The following PPP1R12A variants were observed in gnomAD, a reference collection of about 807,000 sequenced individuals.
The protein encoded by PPP1R12A is protein phosphatase 1 regulatory subunit 12A.
Under a neutral mutation model 139.6 loss-of-function variants are expected in PPP1R12A, and 19 were observed. The observed-to-expected ratio is 0.14, with a 90% CI of 0.09 to 0.20. The LOEUF (loss-of-function observed/expected upper bound fraction) is 0.20, where lower values mean the gene tolerates loss of function less well. PPP1R12A is among the 10% of genes least tolerant of loss of function. PPP1R12A has a pLI of 1.00. For missense variants in PPP1R12A, 925 were observed against 1,211.5 expected (o/e 0.76, Z 3.51); for synonymous variants, 427 against 420.6 (o/e 1.02, Z -0.19).
At chr12:79,884,951 G>A (rs570704892) in intron 1 of PPP1R12A, among the ~76,000 whole-genome samples, 6 of 152,232 alleles carry the variant, frequency 3.9e-5, no homozygotes, top group African/African-American at 1.4e-4. Flanking sequence ...AAAGCAGACA[G>A]AGTCCATGAC....
intron 1 of PPP1R12A, among the ~76,000 whole-genome samples, chr12:79,923,189 G>A (rs1006409839): frequency 2.0e-5 from 3 of 152,112 alleles, no homozygotes; most frequent in Admixed American, 2.0e-4. Context: ...TGGGACAATC[G>A]CTTGAACCCA....
rs370114772 is a variant in PPP1R12A, at chr12:79,812,382, C to CTGTGTGCGTGTGTGTG, written c.1240-2373_1240-2372insCACACACACGCACACA. ...TGACCATTCCTTTTCTTGACTGACT[C>CTGTGTGCGTGTGTGTG]TGTGTGTGCGTGTGTGTGTGTGTGT... is the stretch of plus-strand genomic sequence containing the variant. On this transcript the variant is annotated intron_variant, in intron 9 of 24. Coordinates refer to ENST00000450142, the MANE Select transcript of PPP1R12A (RefSeq NM_002480.3). Among the ~76,000 whole-genome samples, 628 of 112,890 alleles carry CTGTGTGCGTGTGTGTG rather than the reference C, an allele frequency of 5.6e-3. 12 individuals carry two copies. The highest frequency in any genetic ancestry group is 6.5e-3 in the Non-Finnish European group (398 of 61,014). The allele number at this position is 112,890 out of a possible 152,430, so 74.1% of individuals were successfully genotyped here.
chr12:79,909,480 T>TG (rs1177923277), intron 1 of PPP1R12A, among the ~76,000 whole-genome samples: 1 of 152,082 alleles, frequency 6.6e-6, no homozygotes, highest in Non-Finnish European at 1.5e-5. Context: ...CTCACGTCTG[T>TG]AATCCCAGCA....
At chr12:79,849,940 C>T (rs1429718030) in intron 2 of PPP1R12A, among the ~76,000 whole-genome samples, 5 of 151,960 alleles carry the variant, frequency 3.3e-5, no homozygotes, top group Non-Finnish European at 7.4e-5. Context: ...CTAACTGCCT[C>T]GGCCTCCCTA....
chr12:79,853,271 T>C (rs777048398), intron 2 of PPP1R12A, among the ~76,000 whole-genome samples: 33 of 152,212 alleles, frequency 2.2e-4, no homozygotes, highest in Non-Finnish European at 4.7e-4. Context: ...GGCGCTTTCT[T>C]TGTCTGTGGC....
intron 1 of PPP1R12A, among the ~76,000 whole-genome samples, chr12:79,919,754 T>C (rs564799693): frequency 6.6e-6 from 1 of 152,168 alleles, no homozygotes; most frequent in Non-Finnish European, 1.5e-5. Flanking sequence ...TTCACCATCA[T>C]AATTATAGTG....
intron 2 of PPP1R12A, among the ~76,000 whole-genome samples, chr12:79,872,180 C>A (rs1422736109): frequency 6.6e-6 from 1 of 151,978 alleles, no homozygotes; most frequent in Non-Finnish European, 1.5e-5. Context: ...AGAGAGACAA[C>A]AAAACTGTTT....
intron 5 of PPP1R12A, among the ~76,000 whole-genome samples, chr12:79,822,992 G>A (rs1174107700): frequency 6.6e-6 from 1 of 151,740 alleles, no homozygotes; most frequent in African/African-American, 2.4e-5. Flanking sequence ...TAACTTCTTG[G>A]TAGAGTAATA....
At chr12:79,858,585 G>C (rs1331529251) in intron 2 of PPP1R12A, among the ~76,000 whole-genome samples, 1 of 152,180 alleles carries the variant, frequency 6.6e-6, no homozygotes, top group Non-Finnish European at 1.5e-5. Flanking sequence ...TCCTGAGCCT[G>C]AGCTCTTAAC....
intron 9 of PPP1R12A, among the ~76,000 whole-genome samples, chr12:79,812,394 G>GTGTGTGT (rs1426382982): frequency 8.2e-5 from 12 of 146,514 alleles, no homozygotes; most frequent in African/African-American, 3.2e-4. Flanking sequence ...GTGTGTGCGT[G>GTGTGTGT]TGTGTGTGTG....
chr12:79,834,775 G>A (rs767475502), intron 3 of PPP1R12A, among the ~76,000 whole-genome samples: 9 of 152,152 alleles, frequency 5.9e-5, no homozygotes, highest in Non-Finnish European at 1.2e-4. Context: ...CAAACTCAAT[G>A]CTAAAATCTT....
At chr12:79,866,564 A>G (rs773543089) in intron 2 of PPP1R12A, among the ~76,000 whole-genome samples, 33 of 152,250 alleles carry the variant, frequency 2.2e-4, no homozygotes, top group Non-Finnish European at 1.0e-4. Context: ...AATTTTTGCA[A>G]TCTATCCATC....
chr12:79,904,137 C>T (rs570314998), intron 1 of PPP1R12A, among the ~76,000 whole-genome samples: 1 of 152,014 alleles, frequency 6.6e-6, no homozygotes, highest in Admixed American at 6.5e-5. Context: ...ATCGCTTGAA[C>T]CCGGGAGGTG....
intron 2 of PPP1R12A, among the ~76,000 whole-genome samples, chr12:79,868,265 T>C (rs1882197687): frequency 6.6e-6 from 1 of 152,192 alleles, no homozygotes; most frequent in African/African-American, 2.4e-5. Flanking sequence ...ATTGCATACA[T>C]GGGTTCTTGG....
intron 19 of PPP1R12A, among the ~76,000 whole-genome samples, chr12:79,790,979 A>G (rs1871772441): frequency 6.6e-6 from 1 of 152,178 alleles, no homozygotes; most frequent in Admixed American, 6.5e-5. Flanking sequence ...GGGATTGTTT[A>G]AAGTCTATTT....
At chr12:79,826,144 G>A (rs1308614813) in intron 5 of PPP1R12A, among the ~76,000 whole-genome samples, 1 of 151,962 alleles carries the variant, frequency 6.6e-6, no homozygotes, top group Non-Finnish European at 1.5e-5. Flanking sequence ...AGAAGTTATA[G>A]AGGAACTTAG....
chr12:79,914,040 G>A lies in PPP1R12A; in HGVS notation c.237+20655C>T, dbSNP rs1181131919. ...AATGTAAAACGATGCCACTCTTTTT[G>A]TTTCGTAAAATACATCTATTTTTCA... On this transcript the variant is annotated intron_variant, in intron 1 of 24. Transcript: ENST00000450142. The A allele has an allele frequency of 2.0e-5, 3 of 152,024 alleles. No homozygotes were observed. The East Asian group carries it at 5.8e-4, about 29-fold the overall frequency. The allele number at this position is 152,024 out of a possible 1,614,324, so 9.4% of individuals were successfully genotyped here.
rs752360921 is a variant in PPP1R12A at position 79,796,942 on chromosome 12, C to T, written c.2301G>A (p.Gln767=). 1.2e-6 allele frequency: 2 copies of T among 1,603,866 alleles called. No individual in the cohort carries two copies. Among genetic ancestry groups the T allele is most frequent in the South Asian group, 2.3e-5 (2 of 88,728 alleles). Reference sequence around the variant, plus strand: ...TTGAAGTTGATACTGGCCTATAACGCTGGTAAGTCTGTGAAACATTAAGAT... The same window carrying T: ...TTGAAGTTGATACTGGCCTATAACGTTGGTAAGTCTGTGAAACATTAAGAT... ...KYSRTYDETY[Q]RYRPVSTSSS... Residue 767 remains glutamine (Q), a synonymous_variant, in exon 17 of 25, where the codon CAG becomes CAA. Transcript: ENST00000450142.
At chr12:79,918,872 T>A (rs767040698) in intron 1 of PPP1R12A, among the ~76,000 whole-genome samples, 2 of 152,168 alleles carry the variant, frequency 1.3e-5, no homozygotes, top group Non-Finnish European at 2.9e-5. Context: ...TCCCAGCACT[T>A]TGGGAGGCCA....
Sources: gnomAD v4.1 joint callset for allele counts (sites outside exome capture counted in the v4.1 genomes callset) on GRCh38, gnomAD v4.1.1 for gene constraint, MANE v1.5 for transcripts, NCBI Gene and HGNC (gene_info 2026-07-23, HGNC 2026-07-21) for gene names.